Variants in BTC observed in about 807,000 individuals in gnomAD.
BTC encodes probetacellulin.
A neutral mutation model predicts 18.1 loss-of-function variants in BTC; 13 were observed. The observed-to-expected ratio is 0.72, with a 90% CI of 0.47 to 1.14. The LOEUF (loss-of-function observed/expected upper bound fraction) is 1.14. Ranked by LOEUF, BTC falls within the 50% of genes most tolerant of loss-of-function variation. The probability of loss-of-function intolerance (pLI) is 0.00; values close to 1 mark genes in which losing one functional copy is unlikely to be tolerated. For missense variants in BTC, 247 were observed against 224.2 expected (o/e 1.10, Z -0.65); for synonymous variants, 83 against 79.4 (o/e 1.05, Z -0.24).
At chr4:74,786,670 T>C (rs1217379880) in intron 1 of BTC, among the ~76,000 whole-genome samples, 3 of 152,224 alleles carry the variant, frequency 2.0e-5, no homozygotes, top group African/African-American at 7.2e-5. Context: ...AGGGTGTTTT[T>C]AAATAAACCA....
In BTC at chr4:74,765,097, C is replaced by A. The variant is rs1455213706; in HGVS notation, c.163+4961G>T. On this transcript the variant is annotated intron_variant, in intron 2 of 5. Transcript: ENST00000395743. Reference sequence around the variant, plus strand: ...TGCTGTTTTCTCTAATGCACAGACACCAACACAGCAAGTTAAGAAAAATGA... The same window carrying A: ...TGCTGTTTTCTCTAATGCACAGACAACAACACAGCAAGTTAAGAAAAATGA... Among the ~76,000 whole-genome samples the A allele has an allele frequency of 4.4e-5, 4 of 90,006 alleles. No individual in the cohort carries two copies. In the East Asian group the frequency reaches 8.5e-4, roughly 19 times the overall value. 59.0% of individuals were successfully genotyped at this position (90,006 alleles called of 152,430 possible). A position where few individuals can be genotyped will look rare whatever the true frequency, so the allele number is the denominator to read the frequency against.
chr4:74,787,733 A>C (rs755515743), intron 1 of BTC, among the ~76,000 whole-genome samples: 31 of 152,364 alleles, frequency 2.0e-4, no homozygotes, highest in Non-Finnish European at 4.0e-4. Context: ...CTAGGCATAT[A>C]CTATGTTTTA....
chr4:74,778,836 G>A (rs1725245082), intron 1 of BTC, among the ~76,000 whole-genome samples: 1 of 152,162 alleles, frequency 6.6e-6, no homozygotes, highest in African/African-American at 2.4e-5. Context: ...GAAGGTGGCT[G>A]AAAGACTCTT....
rs1250554554 is a variant in BTC at position 74,794,358 on chromosome 4, G to A, written c.-33C>T. On this transcript the variant is annotated 5_prime_UTR_variant, in exon 1 of 6. Transcript: ENST00000395743. ...GCTCTGCCGGGCCGGGCAGCCCCTA[G>A]ACAAGTCTCCCTCCTTCTTCGCCCC... 2.9e-5 allele frequency: 44 copies of A among 1,518,538 alleles called. No homozygotes were observed. In the East Asian group the frequency reaches 1.1e-3, roughly 37 times the overall value. 94.1% of individuals were successfully genotyped at this position (1,518,538 alleles called of 1,614,324 possible). A position where few individuals can be genotyped will look rare whatever the true frequency, so the allele number is the denominator to read the frequency against.
chr4:74,761,164 G>A (rs1724747708), intron 2 of BTC, among the ~76,000 whole-genome samples: 1 of 151,892 alleles, frequency 6.6e-6, no homozygotes, highest in Non-Finnish European at 1.5e-5. Context: ...TTGAAGCATG[G>A]GTATCTTTGC....
chr4:74,756,762 C>T (rs1272860986), intron 2 of BTC, among the ~76,000 whole-genome samples: 1 of 152,214 alleles, frequency 6.6e-6, no homozygotes, highest in East Asian at 1.9e-4. Flanking sequence ...GAGGAAAATA[C>T]TGAAAACTTC....
intron 1 of BTC, among the ~76,000 whole-genome samples, chr4:74,773,889 G>C (rs1043692405): frequency 1.2e-4 from 19 of 152,094 alleles, no homozygotes; most frequent in Admixed American, 7.9e-4. Flanking sequence ...TAGGATTACA[G>C]GCATGAGCCA....
Position 74,753,215 on chromosome 4 carries a change from C to T in BTC, c.282-2496G>A, listed in dbSNP as rs574693245. ...ATAATTTTTAAAGATGTTCATGATC[C>T]TTAAGGGCAATGCAAAATTGGGCGT... On this transcript the variant is annotated intron_variant, in intron 3 of 5. Coordinates refer to ENST00000395743, the MANE Select transcript of BTC (RefSeq NM_001729.4). Among the ~76,000 whole-genome samples, 4 of 152,206 alleles carry T rather than the reference C, an allele frequency of 2.6e-5. No homozygotes were observed. The South Asian group carries it at 8.3e-4, about 32-fold the overall frequency.
At position 74,794,275 on chromosome 4, in the gene BTC, C is replaced by G. The variant is rs1725711865; in HGVS notation, c.51G>C (p.Leu17=). The part of the protein sequence containing the change: ...CSGASSLPLL[L]ALALGLVILH... Reference sequence around the variant, plus strand: ...ACGGCCACTTACCCAGGGCAAGGGCCAGGAGCAGTGGCAGGGAGCTGGCGC... The same window carrying G: ...ACGGCCACTTACCCAGGGCAAGGGCGAGGAGCAGTGGCAGGGAGCTGGCGC... The change falls in exon 1 of 6, where the codon CTG becomes CTC. Residue 17 remains leucine, a synonymous_variant. Transcript: ENST00000395743. The G allele has an allele frequency of 6.5e-7, 1 of 1,549,948 alleles. No homozygotes were observed. The highest frequency in any genetic ancestry group is 2.0e-5 in the Admixed American group (1 of 50,954).
At position 74,766,165 on chromosome 4, in the gene BTC, G is replaced by A. The variant is rs577031168; in HGVS notation, c.163+3893C>T. Among the ~76,000 whole-genome samples the A allele has an allele frequency of 2.0e-4, 31 of 152,186 alleles. No individual in the cohort carries two copies. In the East Asian group the frequency reaches 4.4e-3, roughly 22 times the overall value. On this transcript the variant is annotated intron_variant, in intron 2 of 5. Coordinates refer to ENST00000395743, the MANE Select transcript of BTC (RefSeq NM_001729.4). Reference sequence around the variant, plus strand: ...CAAGACTAGAAGCTGCTCTAGGTAAGTCAGTGAATGAGTGGTGAGTGAACA... The same window carrying A: ...CAAGACTAGAAGCTGCTCTAGGTAAATCAGTGAATGAGTGGTGAGTGAACA...
At chr4:74,769,975 C>A in intron 2 of BTC, 83 bp downstream of exon 2, 1 of 1,179,708 alleles carries the variant, frequency 8.5e-7, no homozygotes, top group South Asian at 1.4e-5. Context: ...AATATATGTT[C>A]AAATGTTTAC....
intron 2 of BTC, among the ~76,000 whole-genome samples, chr4:74,769,003 A>G (rs1340489129): frequency 6.6e-6 from 1 of 152,154 alleles, no homozygotes; most frequent in Admixed American, 6.6e-5. Context: ...GCACCTTCTG[A>G]CCACCCACTA....
At chr4:74,752,161 A>G (rs1553956248) in intron 3 of BTC, among the ~76,000 whole-genome samples, 3 of 152,226 alleles carry the variant, frequency 2.0e-5, no homozygotes. Flanking sequence ...AGTAACAGCC[A>G]TCACTTGAAA....
intron 1 of BTC, among the ~76,000 whole-genome samples, chr4:74,790,069 A>C (rs936674378): frequency 6.6e-6 from 1 of 152,230 alleles, no homozygotes; most frequent in African/African-American, 2.4e-5. Flanking sequence ...TCAAAATAAA[A>C]CTTTTTTGAG....
intron 1 of BTC, among the ~76,000 whole-genome samples, chr4:74,776,653 G>A (rs557534225): frequency 2.0e-4 from 30 of 152,228 alleles, no homozygotes; most frequent in African/African-American, 5.1e-4. Context: ...ATGACACGCC[G>A]TCTCAAAGTC....
chr4:74,747,604 G>T (rs1724325885), intron 5 of BTC, among the ~76,000 whole-genome samples: 1 of 152,090 alleles, frequency 6.6e-6, no homozygotes, highest in African/African-American at 2.4e-5. Flanking sequence ...CTCTCTATTG[G>T]ATCATCTGAG....
At position 74,782,798 on chromosome 4, in the gene BTC, T is replaced by C. The variant is rs1725368466; in HGVS notation, c.64+11464A>G. Among the ~76,000 whole-genome samples the C allele has an allele frequency of 2.0e-5, 3 of 152,276 alleles. No homozygotes were observed. The South Asian group carries it at 6.2e-4, about 32-fold the overall frequency. Reference sequence around the variant, plus strand: ...ACTTCTTAATAATAGCCAATCTGACTGGTGTGAAAATGGTATCTCATTGTG... The same window carrying C: ...ACTTCTTAATAATAGCCAATCTGACCGGTGTGAAAATGGTATCTCATTGTG... On this transcript the variant is annotated intron_variant, in intron 1 of 5. Coordinates refer to ENST00000395743, the MANE Select transcript of BTC (RefSeq NM_001729.4).
rs782013411 is a variant in BTC at position 74,747,146 on chromosome 4, TTTTA to T, written c.*2-475_*2-472del. Reference sequence around the variant, plus strand: ...TCATTTTAAGCCAGTTTGAGTTGGATTTTATGTTATTACAACCAAAACTATCCTG... The same window carrying T: ...TCATTTTAAGCCAGTTTGAGTTGGATTGTTATTACAACCAAAACTATCCTG... On this transcript the variant is annotated intron_variant, in intron 5 of 5. Transcript: ENST00000395743. Among the ~76,000 whole-genome samples, 40 of 152,310 alleles carry T rather than the reference TTTTA, an allele frequency of 2.6e-4. No homozygotes were observed. The Middle Eastern group carries it at 0.017, about 65-fold the overall frequency.
intron 1 of BTC, among the ~76,000 whole-genome samples, chr4:74,781,744 A>T (rs1302214314): frequency 6.6e-6 from 1 of 151,408 alleles, no homozygotes; most frequent in East Asian, 1.9e-4. Context: ...AAAATTTATT[A>T]TCCTAACCTT....
Sources: gnomAD v4.1 joint callset for allele counts (sites outside exome capture counted in the v4.1 genomes callset) on GRCh38, gnomAD v4.1.1 for gene constraint, MANE v1.5 for transcripts, NCBI Gene and HGNC (gene_info 2026-07-23, HGNC 2026-07-21) for gene names.